Variants in PCDHGA1 observed in about 807,000 individuals in gnomAD.
The protein encoded by PCDHGA1 is protocadherin gamma subfamily A, 1, also known as protocadherin gamma-A1.
Under a neutral mutation model 58.0 loss-of-function variants are expected in PCDHGA1, and 32 were observed. That is an observed-to-expected ratio of 0.55 (90% confidence interval 0.42 to 0.74). The LOEUF is 0.74. Ranked by LOEUF, PCDHGA1 falls within the 30% of genes least tolerant of loss-of-function variation. PCDHGA1 has a pLI of 0.00. For synonymous variants in PCDHGA1, 498 were observed against 501.1 expected (o/e 0.99, Z 0.08); for missense variants, 1,205 against 1,182.3 (o/e 1.02, Z -0.28).
At chr5:141,473,902 G>C (rs1593464039) in intron 1 of PCDHGA1, among the ~76,000 whole-genome samples, 1 of 152,240 alleles carries the variant, frequency 6.6e-6, no homozygotes, top group South Asian at 2.1e-4. Context: ...GGTTCATGAA[G>C]AGGTCTTAAG....
Position 141,378,772 on chromosome 5 carries a change from A to G in PCDHGA1, c.2421+45667A>G, listed in dbSNP as rs1588863408. 6 of 152,352 alleles carry G rather than the reference A, an allele frequency of 3.9e-5. No individual in the cohort carries two copies. The South Asian group carries it at 1.2e-3, about 32-fold the overall frequency. 9.4% of individuals were successfully genotyped at this position (152,352 alleles called of 1,614,324 possible). A position where few individuals can be genotyped will look rare whatever the true frequency, so the allele number is the denominator to read the frequency against. ...AAAGGGATTATCATTTAGAAGACTG[A>G]TTAGTCTTATTTATTATGACTGAAA... On this transcript the variant is annotated intron_variant, in intron 1 of 3. Transcript: ENST00000517417.
chr5:141,477,932 C>G lies in PCDHGA1; in HGVS notation c.2422-16875C>G, dbSNP rs1193822505. The G allele has an allele frequency of 3.1e-6, 5 of 1,614,040 alleles. No individual in the cohort carries two copies. The highest frequency in any genetic ancestry group is 4.2e-6 in the Non-Finnish European group (5 of 1,180,042). On this transcript the variant is annotated intron_variant, in intron 1 of 3. Transcript: ENST00000517417. This position sits in a 1 kb window ranked among gnomAD's most constrained non-coding sequence, Gnocchi z 4.9. ...CGCGGATGCAGGGCACAATGCCTGG[C>G]TCTCCTACAGTCTCTTGGGATCCCC... is the stretch of plus-strand genomic sequence containing the variant.
intron 1 of PCDHGA1, chr5:141,356,198 T>G: frequency 6.2e-7 from 1 of 1,608,990 alleles, no homozygotes; most frequent in Non-Finnish European, 8.5e-7. Flanking sequence ...AGAAGCAAGG[T>G]ACTGGTGACA....
At chr5:141,374,673 A>AC (rs753936532) in intron 1 of PCDHGA1, 1 of 1,610,972 alleles carries the variant, frequency 6.2e-7, no homozygotes, top group Admixed American at 1.7e-5. Flanking sequence ...CTGGTGCTGG[A>AC]GGGCACACTG....
At position 141,334,892 on chromosome 5, in the gene PCDHGA1, G is replaced by A. The variant is rs1487060799; in HGVS notation, c.2421+1787G>A. Among the ~76,000 whole-genome samples the A allele has an allele frequency of 6.6e-6, 1 of 152,106 alleles. No homozygotes were observed. The highest frequency in any genetic ancestry group is 6.5e-5 in the Admixed American group (1 of 15,268). ...GGAGGGAAGGAGAGAGGGATATAGT[G>A]TAGAAGAGAAAAAAACAAACTAAAA... is the stretch of plus-strand genomic sequence containing the variant. On this transcript the variant is annotated intron_variant, in intron 1 of 3. Transcript: ENST00000517417. This position sits in a 1 kb window ranked among gnomAD's most constrained non-coding sequence, Gnocchi z 4.6.
At chr5:141,405,370 G>C in intron 1 of PCDHGA1, 1 of 1,606,236 alleles carries the variant, frequency 6.2e-7, no homozygotes, top group Non-Finnish European at 8.5e-7. Flanking sequence ...ACACCCCTTT[G>C]GTTCCGGTGA....
In PCDHGA1 at chr5:141,332,543, G is replaced by T. The variant is rs760196223; in HGVS notation, c.1859G>T (p.Gly620Val). The change falls in exon 1 of 4, where the codon GGT becomes GTT. Residue 620 changes from glycine (G) to valine (V), a missense_variant. By Grantham distance (109) the Gly-to-Val change is moderately radical (BLOSUM62 -3). Coordinates refer to ENST00000517417, the MANE Select transcript of PCDHGA1 (RefSeq NM_018912.3). The surrounding 1 kb of genome is among the most constrained non-coding windows in gnomAD (Gnocchi z 4.6). ...KASEPGLFSV[G>V]LHTGEVRTAR... The stretch of plus-strand genomic sequence containing the variant: ...AGCGAGCCGGGACTCTTCTCGGTGG[G>T]TCTGCACACGGGCGAGGTGCGCACG... The T allele has an allele frequency of 2.0e-4, 326 of 1,611,308 alleles. No individual in the cohort carries two copies. The highest frequency in any genetic ancestry group is 2.5e-4 in the Non-Finnish European group (298 of 1,179,472).
intron 1 of PCDHGA1, chr5:141,338,983 G>T: frequency 6.5e-7 from 1 of 1,538,208 alleles, no homozygotes; most frequent in Non-Finnish European, 8.8e-7. Flanking sequence ...TGGCGGCTCT[G>T]CAAAAGTTGC....
At position 141,332,712 on chromosome 5, in the gene PCDHGA1, C is replaced by T. The variant is rs767586094; in HGVS notation, c.2028C>T (p.Gly676=). The change falls in exon 1 of 4, where the codon GGC becomes GGT. Residue 676 remains glycine (G), a synonymous_variant. Transcript: ENST00000517417. The surrounding 1 kb of genome is among the most constrained non-coding windows in gnomAD (Gnocchi z 4.6). ...DRISDILADL[G]SLEPSAKPND... The stretch of plus-strand genomic sequence containing the variant: ...TCTCCGACATCCTGGCCGACCTGGG[C>T]AGCCTCGAGCCCTCCGCCAAACCCA... The T allele has an allele frequency of 1.5e-5, 24 of 1,613,862 alleles. No individual in the cohort carries two copies. The highest frequency in any genetic ancestry group is 1.7e-4 in the Middle Eastern group (1 of 5,958).
intron 1 of PCDHGA1, chr5:141,385,450 CA>C (rs1781205135): frequency 4.1e-6 from 6 of 1,446,726 alleles, no homozygotes; most frequent in Admixed American, 5.7e-5. Context: ...ATGAGTTTAC[CA>C]GTTTCCTTCA....
Position 141,491,880 on chromosome 5 carries a change from G to C in PCDHGA1, c.2422-2927G>C. ...GCGAAACCAGAGTGGCCGATTAAGG[G>C]ATGGGGCTCCGAGCACCGGGGGTGG... On this transcript the variant is annotated intron_variant, in intron 1 of 3. Transcript: ENST00000517417. This position sits in a 1 kb window ranked among gnomAD's most constrained non-coding sequence, Gnocchi z 6.9. 1 of 1,449,834 alleles carries C rather than the reference G, an allele frequency of 6.9e-7. No individual in the cohort carries two copies. 89.8% of individuals were successfully genotyped at this position (1,449,834 alleles called of 1,614,324 possible).
rs558513172 is a variant in PCDHGA1 at position 141,424,015 on chromosome 5, A to T, written c.2422-70792A>T. The T allele has an allele frequency of 3.0e-5, 32 of 1,060,896 alleles. No individual in the cohort carries two copies. The Admixed American group carries it at 3.2e-4, about 11-fold the overall frequency. The allele number at this position is 1,060,896 out of a possible 1,614,324, so 65.7% of individuals were successfully genotyped here. A position where few individuals can be genotyped will look rare whatever the true frequency, so the allele number is the denominator to read the frequency against. ...TATTATATATAGATACAAATTAATGATTCACAAACACTTTTTATTTCCATT... is the reference window on the plus strand; with the variant it reads ...TATTATATATAGATACAAATTAATGTTTCACAAACACTTTTTATTTCCATT... On this transcript the variant is annotated intron_variant, in intron 1 of 3. Transcript: ENST00000517417.
At chr5:141,383,236 A>G in intron 1 of PCDHGA1, 1 of 1,613,978 alleles carries the variant, frequency 6.2e-7, no homozygotes, top group Non-Finnish European at 8.5e-7. Context: ...GATGGAAGAT[A>G]AAATGAATCT....
intron 1 of PCDHGA1, chr5:141,389,583 C>T: frequency 1.2e-6 from 2 of 1,613,188 alleles, no homozygotes; most frequent in Non-Finnish European, 1.7e-6. Flanking sequence ...CGCGCTGGGT[C>T]CCGACGGCTC....
Position 141,432,089 on chromosome 5 carries a change from G to A in PCDHGA1, c.2422-62718G>A, listed in dbSNP as rs1325165974. On this transcript the variant is annotated intron_variant, in intron 1 of 3. Transcript: ENST00000517417. The surrounding 1 kb of genome is among the most constrained non-coding windows in gnomAD (Gnocchi z 6.0). Reference sequence around the variant, plus strand: ...AACTCATATCTCGCTGAACGTGGCAGACACCAACGACAACCCGCCGGTCTT... The same window carrying A: ...AACTCATATCTCGCTGAACGTGGCAAACACCAACGACAACCCGCCGGTCTT... The A allele has an allele frequency of 6.2e-7, 1 of 1,614,046 alleles. No homozygotes were observed. Among genetic ancestry groups the A allele is most frequent in the Non-Finnish European group, 8.5e-7 (1 of 1,180,052 alleles).
chr5:141,357,535 C>T, intron 1 of PCDHGA1: 6 of 1,614,210 alleles, frequency 3.7e-6, no homozygotes, highest in Non-Finnish European at 5.1e-6. Context: ...TGCAGACACG[C>T]TCATCAGCCG....
In PCDHGA1 at chr5:141,431,155, C is replaced by T; in HGVS notation, c.2422-63652C>T. On this transcript the variant is annotated intron_variant, in intron 1 of 3. Transcript: ENST00000517417. This position sits in a 1 kb window ranked among gnomAD's most constrained non-coding sequence, Gnocchi z 4.8. ...GGGACATTAACGACAATGCGCCTTA[C>T]TTTCGTGAAAGTGAATTAGAAATAA... is the stretch of plus-strand genomic sequence containing the variant. 6.2e-7 allele frequency: 1 copy of T among 1,614,212 alleles called. No homozygotes were observed. Among genetic ancestry groups the T allele is most frequent in the Non-Finnish European group, 8.5e-7 (1 of 1,180,032 alleles).
intron 1 of PCDHGA1, chr5:141,388,812 G>C (rs775037681): frequency 6.2e-7 from 1 of 1,613,934 alleles, no homozygotes. Flanking sequence ...TTTTGAAGAA[G>C]TCAAAGAATA....
At chr5:141,345,406 C>G (rs934034695) in intron 1 of PCDHGA1, 3 of 1,614,020 alleles carry the variant, frequency 1.9e-6, no homozygotes, top group Admixed American at 1.7e-5. Flanking sequence ...TTATCCTACT[C>G]CGCCTACATT....
Sources: gnomAD v4.1 joint callset for allele counts (sites outside exome capture counted in the v4.1 genomes callset) on GRCh38, gnomAD v4.1.1 for gene constraint, Gnocchi (gnomAD v3.1) non-coding constraint, MANE v1.5 for transcripts, NCBI Gene and HGNC (gene_info 2026-07-23, HGNC 2026-07-21) for gene names.